The following TMEM74B variants were observed in gnomAD, a reference collection of about 807,000 sequenced individuals.
TMEM74B encodes the protein transmembrane protein C20orf46.
Under a neutral mutation model 6.5 loss-of-function variants are expected in TMEM74B, and 7 were observed. The observed-to-expected ratio is 1.07, with a 90% CI of 0.61 to 2.01. The LOEUF (loss-of-function observed/expected upper bound fraction) is 2.01, where lower values mean the gene tolerates loss of function less well. TMEM74B is among the 30% of genes most tolerant of loss of function. The probability of loss-of-function intolerance (pLI) is 0.00; values close to 1 mark genes in which losing one functional copy is unlikely to be tolerated. For synonymous variants in TMEM74B, 151 were observed against 151.6 expected, an observed-to-expected ratio of 1.00 and a Z score of 0.03; for missense variants, 342 against 337.0, an observed-to-expected ratio of 1.01 and a Z score of -0.12.
chr20:1,183,290 C>CTCTG (rs1555769547), intron 2 of TMEM74B, among the ~76,000 whole-genome samples: 4,496 of 149,278 alleles, frequency 0.03, 91 homozygotes, highest in Non-Finnish European at 0.043. Context: ...GGTTCGTTCT[C>CTCTG]TGTGTGTGTG....
upstream of TMEM74B, chr20:1,185,348 C>A (rs1027140330): frequency 6.6e-5 from 10 of 151,926 alleles, no homozygotes; most frequent in East Asian, 3.9e-4. Flanking sequence ...GTCTCCCGCC[C>A]CCTTCCCGGC....
chr20:1,184,076 A>C lies in TMEM74B; in HGVS notation c.-147-128T>G. 4.7e-6 allele frequency: 2 copies of C among 425,150 alleles called. No individual in the cohort carries two copies. Among genetic ancestry groups the C allele is most frequent in the Non-Finnish European group, 8.5e-6 (2 of 234,232 alleles). 26.3% of individuals were successfully genotyped at this position (425,150 alleles called of 1,614,324 possible). A position where few individuals can be genotyped will look rare whatever the true frequency, so the allele number is the denominator to read the frequency against. On this transcript the variant is annotated intron_variant, in intron 1 of 2. Coordinates refer to ENST00000429036, the MANE Select transcript of TMEM74B (RefSeq NM_001304748.2). The surrounding 1 kb of genome is among the most constrained non-coding windows in gnomAD (Gnocchi z 6.0). ...AGCAGTGGGTGCCACATGGGTGCTCAGAAGTGGCCCCCACCCACACCCTCA... is the reference window on the plus strand; with the variant it reads ...AGCAGTGGGTGCCACATGGGTGCTCCGAAGTGGCCCCCACCCACACCCTCA...
chr20:1,184,926 G>A lies in TMEM74B; in HGVS notation c.-772C>T, dbSNP rs1362483774. On this transcript the variant is annotated 5_prime_UTR_variant, in exon 1 of 3. Transcript: ENST00000429036. The surrounding 1 kb of genome is among the most constrained non-coding windows in gnomAD (Gnocchi z 6.0). ...CTGCCCACCGCGCCCGCTCCCGCCGGCCCAGTCCACACCCCCTGCTCCTGC... is the reference window on the plus strand; with the variant it reads ...CTGCCCACCGCGCCCGCTCCCGCCGACCCAGTCCACACCCCCTGCTCCTGC... 1.3e-5 allele frequency among the ~76,000 whole-genome samples: 2 copies of A among 152,174 alleles called. No individual in the cohort carries two copies. Among genetic ancestry groups the A allele is most frequent in the Non-Finnish European group, 2.9e-5 (2 of 68,022 alleles).
chr20:1,183,017 C>T (rs1213375450), intron 2 of TMEM74B, among the ~76,000 whole-genome samples: 1 of 152,178 alleles, frequency 6.6e-6, no homozygotes, highest in Non-Finnish European at 1.5e-5. Flanking sequence ...GCAGATCTAG[C>T]CTCTCCCCGA....
chr20:1,181,587 G>T lies in TMEM74B; in HGVS notation c.32C>A (p.Ala11Asp). MPPAQGYEFA[A>D]AKGPRDELGP... ...CAGCTCATCCCTTGGCCCCTTGGCA[G>T]CTGGAAGAGAAAAAAGAAAGTCAGT... Residue 11 changes from alanine to aspartate, a missense_variant and splice_region_variant, in exon 3 of 3, where the codon GCT becomes GAT. Ala to Asp is a moderately radical substitution (Grantham distance 126). Transcript: ENST00000429036. The surrounding 1 kb of genome is among the most constrained non-coding windows in gnomAD (Gnocchi z 4.9). 6.9e-7 allele frequency: 1 copy of T among 1,449,370 alleles called. No individual in the cohort carries two copies. 89.8% of individuals were successfully genotyped at this position (1,449,370 alleles called of 1,614,324 possible). A position where few individuals can be genotyped will look rare whatever the true frequency, so the allele number is the denominator to read the frequency against.
chr20:1,184,175 C>G lies in TMEM74B; in HGVS notation c.-148+127G>C, dbSNP rs138068006. The G allele has an allele frequency of 1.7e-3, 301 of 179,488 alleles. 1 individual carries two copies. The highest frequency in any genetic ancestry group is 6.8e-3 in the African/African-American group (290 of 42,372). 11.1% of individuals were successfully genotyped at this position (179,488 alleles called of 1,614,324 possible). A position where few individuals can be genotyped will look rare whatever the true frequency, so the allele number is the denominator to read the frequency against. ...CCAGACTGATATATTGATGCCTCCA[C>G]ACCCTGGAAGAAATCTGGAGCTCCC... On this transcript the variant is annotated intron_variant, in intron 1 of 2. Transcript: ENST00000429036. This position sits in a 1 kb window ranked among gnomAD's most constrained non-coding sequence, Gnocchi z 6.0.
At chr20:1,183,736 T>C (rs1250471444) in intron 2 of TMEM74B, 35 bp downstream of exon 2, 2 of 1,613,314 alleles carry the variant, frequency 1.2e-6, no homozygotes, top group African/African-American at 1.3e-5. Context: ...AGGAGTTGAA[T>C]GCAGATTCCC....
chr20:1,181,202 T>C lies in TMEM74B; in HGVS notation c.417A>G (p.Thr139=), dbSNP rs574619085. ...FLVSGILLVV[T]AYAIPREARV... ...GAGCCTCACGGGGGATGGCGTATGCTGTCACCACCAGAAGAATCCCACTCA... is the reference window on the plus strand; with the variant it reads ...GAGCCTCACGGGGGATGGCGTATGCCGTCACCACCAGAAGAATCCCACTCA... Residue 139 remains threonine (T), a synonymous_variant, in exon 3 of 3, where the codon ACA becomes ACG. Coordinates refer to ENST00000429036, the MANE Select transcript of TMEM74B (RefSeq NM_001304748.2). The surrounding 1 kb of genome is among the most constrained non-coding windows in gnomAD (Gnocchi z 4.9). The C allele has an allele frequency of 5.6e-6, 9 of 1,614,122 alleles. No individual in the cohort carries two copies. The East Asian group carries it at 6.7e-5, about 12-fold the overall frequency.
At position 1,180,679 on chromosome 20, in the gene TMEM74B, G is replaced by T; in HGVS notation, c.*169C>A. The T allele has an allele frequency of 1.2e-6, 1 of 853,172 alleles. No homozygotes were observed. Among genetic ancestry groups the T allele is most frequent in the South Asian group, 2.9e-5 (1 of 34,204 alleles). 52.9% of individuals were successfully genotyped at this position (853,172 alleles called of 1,614,324 possible). On this transcript the variant is annotated 3_prime_UTR_variant, in exon 3 of 3. Coordinates refer to ENST00000429036, the MANE Select transcript of TMEM74B (RefSeq NM_001304748.2). This position sits in a 1 kb window ranked among gnomAD's most constrained non-coding sequence, Gnocchi z 6.1. ...TCAGTGGGCTGCTTGCCCGTGTGGG[G>T]CATGGGCTGGGCCCCGAGCTCTCCC...
upstream of TMEM74B, among the ~76,000 whole-genome samples, chr20:1,185,823 A>T (rs894519855): frequency 8.0e-5 from 1 of 12,570 alleles, no homozygotes; most frequent in African/African-American, 3.2e-4. Context: ...CCTTCCCCCC[A>T]CCCCCACCCC....
chr20:1,187,371 C>T (rs567982818), upstream of TMEM74B, among the ~76,000 whole-genome samples: 1 of 152,248 alleles, frequency 6.6e-6, no homozygotes, highest in South Asian at 2.1e-4. Flanking sequence ...GGGGCTAACA[C>T]CTAGGAAGCT....
upstream of TMEM74B, among the ~76,000 whole-genome samples, chr20:1,188,317 G>C (rs942203964): frequency 4.6e-5 from 7 of 151,790 alleles, no homozygotes; most frequent in Non-Finnish European, 1.0e-4. Flanking sequence ...AGGATCCAAG[G>C]CTCCTTGAAG....
upstream of TMEM74B, chr20:1,185,092 C>T (rs1348247735): frequency 6.6e-6 from 1 of 152,274 alleles, no homozygotes; most frequent in Non-Finnish European, 1.5e-5. Context: ...CGCCCCCGGC[C>T]CTCGGCCTCC....
rs749394476 is a variant in TMEM74B at position 1,184,106 on chromosome 20, C to G, written c.-147-158G>C. On this transcript the variant is annotated intron_variant, in intron 1 of 2. Coordinates refer to ENST00000429036, the MANE Select transcript of TMEM74B (RefSeq NM_001304748.2). This position sits in a 1 kb window ranked among gnomAD's most constrained non-coding sequence, Gnocchi z 6.0. Reference sequence around the variant, plus strand: ...TGGCCCCCACCCACACCCTCAGCACCTTCCACCCAACTCAGCTCCTGGAGT... The same window carrying G: ...TGGCCCCCACCCACACCCTCAGCACGTTCCACCCAACTCAGCTCCTGGAGT... 93 of 336,816 alleles carry G rather than the reference C, an allele frequency of 2.8e-4. No homozygotes were observed. Among genetic ancestry groups the G allele is most frequent in the Middle Eastern group, 8.5e-4 (1 of 1,176 alleles). 20.9% of individuals were successfully genotyped at this position (336,816 alleles called of 1,614,324 possible). A position where few individuals can be genotyped will look rare whatever the true frequency, so the allele number is the denominator to read the frequency against.
intron 2 of TMEM74B, among the ~76,000 whole-genome samples, chr20:1,182,534 C>CGTGGCT (rs1568495377): frequency 9.2e-5 from 14 of 151,976 alleles, no homozygotes; most frequent in Admixed American, 2.6e-4. Flanking sequence ...TTGGGGATGG[C>CGTGGCT]ATGGCTAAAA....
chr20:1,183,578 A>G (rs2086936814), intron 2 of TMEM74B, among the ~76,000 whole-genome samples, 193 bp downstream of exon 2: 1 of 152,068 alleles, frequency 6.6e-6, no homozygotes, highest in Non-Finnish European at 1.5e-5. Context: ...AATGTTTACC[A>G]AGCACCTACT....
At chr20:1,187,822 T>C (rs1466757485), upstream of TMEM74B, among the ~76,000 whole-genome samples, 1 of 152,190 alleles carries the variant, frequency 6.6e-6, no homozygotes, top group Non-Finnish European at 1.5e-5. Context: ...GCTTAGCAGG[T>C]CAGGTCACTG....
rs905145489 is a variant in TMEM74B, at chr20:1,184,963, G to A, written c.-809C>T. On this transcript the variant is annotated 5_prime_UTR_variant, in exon 1 of 3. Coordinates refer to ENST00000429036, the MANE Select transcript of TMEM74B (RefSeq NM_001304748.2). This position sits in a 1 kb window ranked among gnomAD's most constrained non-coding sequence, Gnocchi z 6.0. ...CCCCCTGCTCCTGCCCTTGCCCACA[G>A]ACGCGGGACCCGGAAGGCCGAACCG... Among the ~76,000 whole-genome samples the A allele has an allele frequency of 1.1e-4, 17 of 152,196 alleles. No individual in the cohort carries two copies. The highest frequency in any genetic ancestry group is 4.1e-4 in the African/African-American group (17 of 41,456).
chr20:1,180,673 T>G lies in TMEM74B; in HGVS notation c.*175A>C. 2.6e-6 allele frequency: 2 copies of G among 770,302 alleles called. No individual in the cohort carries two copies. The highest frequency in any genetic ancestry group is 3.7e-6 in the Non-Finnish European group (2 of 536,282). 47.7% of individuals were successfully genotyped at this position (770,302 alleles called of 1,614,324 possible). A position where few individuals can be genotyped will look rare whatever the true frequency, so the allele number is the denominator to read the frequency against. On this transcript the variant is annotated 3_prime_UTR_variant, in exon 3 of 3. Coordinates refer to ENST00000429036, the MANE Select transcript of TMEM74B (RefSeq NM_001304748.2). The surrounding 1 kb of genome is among the most constrained non-coding windows in gnomAD (Gnocchi z 6.1). Reference sequence around the variant, plus strand: ...AACAGATCAGTGGGCTGCTTGCCCGTGTGGGGCATGGGCTGGGCCCCGAGC... The same window carrying G: ...AACAGATCAGTGGGCTGCTTGCCCGGGTGGGGCATGGGCTGGGCCCCGAGC...
Sources: gnomAD v4.1 joint callset for allele counts (sites outside exome capture counted in the v4.1 genomes callset) on GRCh38, gnomAD v4.1.1 for gene constraint, Gnocchi (gnomAD v3.1) non-coding constraint, MANE v1.5 for transcripts, NCBI Gene and HGNC (gene_info 2026-07-23, HGNC 2026-07-21) for gene names.